The following CC2D2B variants were observed in gnomAD, a reference collection of about 807,000 sequenced individuals.
The protein encoded by CC2D2B is protein CC2D2B.
In CC2D2B, 128 loss-of-function variants were observed where a neutral mutation model predicts 161.2. The ratio of observed to expected loss-of-function variants is 0.79; its 90% CI spans 0.69 to 0.92. The LOEUF (loss-of-function observed/expected upper bound fraction) is 0.92, where lower values mean the gene tolerates loss of function less well. Among genes scored for constraint, CC2D2B ranks in the 40% least tolerant of loss-of-function variants. The pLI, the probability that CC2D2B is intolerant of heterozygous loss-of-function variation, is 0.00. For synonymous variants in CC2D2B, 391 were observed against 449.8 expected, an observed-to-expected ratio of 0.87 and a Z score of 1.65; for missense variants, 1,173 against 1,375.1, an observed-to-expected ratio of 0.85 and a Z score of 2.32.
At chr10:96,026,401 A>G (rs1212895690) in intron 33 of CC2D2B, among the ~76,000 whole-genome samples, 1 of 152,150 alleles carries the variant, frequency 6.6e-6, no homozygotes, top group Admixed American at 6.5e-5. Context: ...GGGGAAGCTG[A>G]TCACCAAACT....
At chr10:96,006,235 A>G (rs11188552) in intron 25 of CC2D2B, among the ~76,000 whole-genome samples, 37,281 of 151,088 alleles carry the variant, frequency 0.25, 5,522 homozygotes, top group Middle Eastern at 0.35. Context: ...CTTCTCATGA[A>G]TAATAGAAAC....
chr10:95,993,940 G>GTATA (rs1313493143), intron 22 of CC2D2B, among the ~76,000 whole-genome samples: 4 of 26,296 alleles, frequency 1.5e-4, no homozygotes, highest in Non-Finnish European at 2.7e-4. Flanking sequence ...GTGTGTGTGT[G>GTATA]TGTATGTATG....
At chr10:95,922,743 C>G (rs768927078) in intron 3 of CC2D2B, among the ~76,000 whole-genome samples, 21 of 152,110 alleles carry the variant, frequency 1.4e-4, no homozygotes, top group Non-Finnish European at 2.6e-4. Flanking sequence ...TCATTCCATC[C>G]AGCAACCGAG....
chr10:95,933,666 G>A (rs937617139), intron 6 of CC2D2B, among the ~76,000 whole-genome samples: 2 of 152,164 alleles, frequency 1.3e-5, no homozygotes, highest in African/African-American at 4.8e-5. Flanking sequence ...GGAGTTTGCT[G>A]GAGGTCCACT....
Position 96,033,684 on chromosome 10 carries a change from T to C in CC2D2B, c.*1676T>C, listed in dbSNP as rs1243385716. Among the ~76,000 whole-genome samples, 1 of 152,228 alleles carries C rather than the reference T, an allele frequency of 6.6e-6. No homozygotes were observed. Among genetic ancestry groups the C allele is most frequent in the East Asian group, 1.9e-4 (1 of 5,202 alleles). On this transcript the variant is annotated 3_prime_UTR_variant, in exon 35 of 35. Transcript: ENST00000646931. ...TTCATAGGAAAGCATGGAGGACCTT[T>C]TTATATTGTATCCTTTTTACATGAG... is the stretch of plus-strand genomic sequence containing the variant.
intron 31 of CC2D2B, 77 bp from the exon 32 acceptor site, chr10:96,019,625 A>G (rs2079366778): frequency 1.4e-6 from 2 of 1,418,870 alleles, no homozygotes; most frequent in African/African-American, 1.5e-5. Context: ...AGACTGTAAA[A>G]TTTTGCTCCT....
At chr10:96,022,014 G>T in intron 32 of CC2D2B, among the ~76,000 whole-genome samples, 1 of 152,132 alleles carries the variant, frequency 6.6e-6, no homozygotes, top group Non-Finnish European at 1.5e-5. Flanking sequence ...GAGGGCCCAA[G>T]TGTATAAAGT....
chr10:95,990,427 C>A (rs2077905394), intron 20 of CC2D2B, among the ~76,000 whole-genome samples: 2 of 152,126 alleles, frequency 1.3e-5, no homozygotes, highest in Admixed American at 1.3e-4. Context: ...GCGTAGAAAA[C>A]TTGGCGTAGA....
chr10:95,958,494 T>C (rs1156456554), intron 11 of CC2D2B, among the ~76,000 whole-genome samples: 1 of 150,926 alleles, frequency 6.6e-6, no homozygotes, highest in Non-Finnish European at 1.5e-5. Flanking sequence ...TCTGTCTCAG[T>C]AAATAAATAA....
At chr10:95,999,860 C>G (rs1462533344) in intron 24 of CC2D2B, 4 of 482,170 alleles carry the variant, frequency 8.3e-6, no homozygotes, top group African/African-American at 8.0e-5. Context: ...CTGGGTGAAG[C>G]AGGCTGGCAC....
chr10:95,931,360 G>GT (rs1442216978), intron 6 of CC2D2B, among the ~76,000 whole-genome samples: 2 of 152,040 alleles, frequency 1.3e-5, no homozygotes, highest in African/African-American at 2.4e-5. Context: ...TTTTTGAAGA[G>GT]TTTTTTGTGT....
chr10:95,923,127 T>A (rs1590351429), intron 3 of CC2D2B, among the ~76,000 whole-genome samples: 1 of 152,112 alleles, frequency 6.6e-6, no homozygotes, highest in East Asian at 1.9e-4. Flanking sequence ...TAATTTTGTA[T>A]TTTTAGTAGA....
intron 26 of CC2D2B, among the ~76,000 whole-genome samples, chr10:96,011,163 G>A (rs983984250): frequency 6.6e-6 from 1 of 152,228 alleles, no homozygotes; most frequent in African/African-American, 2.4e-5. Flanking sequence ...GACAGTAGAG[G>A]TGCCTGCACA....
chr10:95,997,054 T>A (rs2078258461), intron 24 of CC2D2B, among the ~76,000 whole-genome samples: 1 of 152,230 alleles, frequency 6.6e-6, no homozygotes, highest in African/African-American at 2.4e-5. Context: ...GATGCTGACA[T>A]CTTGATTTTG....
intron 24 of CC2D2B, among the ~76,000 whole-genome samples, chr10:95,996,842 G>A (rs1181890113): frequency 2.0e-5 from 3 of 152,158 alleles, no homozygotes; most frequent in Non-Finnish European, 4.4e-5. Flanking sequence ...CCCAATGCTG[G>A]GAAGTGAGGC....
At chr10:95,966,409 C>CT (rs1169383398) in intron 14 of CC2D2B, 107 bp downstream of exon 14, 9 of 386,070 alleles carry the variant, frequency 2.3e-5, no homozygotes, top group African/African-American at 6.2e-5. Flanking sequence ...GCCAGGCACT[C>CT]TAAGTTTTTA....
At chr10:95,947,000 G>A (rs545306546) in intron 9 of CC2D2B, among the ~76,000 whole-genome samples, 73 of 147,270 alleles carry the variant, frequency 5.0e-4, no homozygotes, top group African/African-American at 1.7e-3. Flanking sequence ...ACCAACCCTC[G>A]TAAATTGCAT....
intron 33 of CC2D2B, 21 bp downstream of exon 33, chr10:96,024,932 C>T (rs1470452597): frequency 4.9e-6 from 7 of 1,438,972 alleles, no homozygotes; most frequent in Non-Finnish European, 5.7e-6. Context: ...TTCCCCTAAT[C>T]TCTTGTTGGG....
Position 96,024,986 on chromosome 10 carries a change from G to A in CC2D2B, c.3947+75G>A, listed in dbSNP as rs969980008. On this transcript the variant is annotated intron_variant, in intron 33 of 34. Coordinates refer to ENST00000646931, the MANE Select transcript of CC2D2B (RefSeq NM_001349008.3). ...ACCCATCCATTCAAAATACCTGCTA[G>A]ATCAGCAACAGAAACATGAAAAAGG... 5.1e-6 allele frequency: 4 copies of A among 779,426 alleles called. No individual in the cohort carries two copies. In the African/African-American group the frequency reaches 7.2e-5, roughly 14 times the overall value. The allele number at this position is 779,426 out of a possible 1,614,324, so 48.3% of individuals were successfully genotyped here.
Sources: gnomAD v4.1 joint callset for allele counts (sites outside exome capture counted in the v4.1 genomes callset) on GRCh38, gnomAD v4.1.1 for gene constraint, MANE v1.5 for transcripts, NCBI Gene and HGNC (gene_info 2026-07-23, HGNC 2026-07-21) for gene names.